KCNT2: variants seen among roughly 807,000 people sequenced by gnomAD.
KCNT2 encodes the protein potassium sodium-activated channel subfamily T member 2, also known as potassium channel subfamily T member 2.
Under a neutral mutation model 153.8 loss-of-function variants are expected in KCNT2, and 67 were observed. That is an observed-to-expected ratio of 0.44 (90% CI 0.36 to 0.53). KCNT2 has a LOEUF of 0.53. Ranked by LOEUF, KCNT2 falls within the 20% of genes least tolerant of loss-of-function variation. The pLI, the probability that KCNT2 is intolerant of heterozygous loss-of-function variation, is 0.00. For missense variants in KCNT2, 975 were observed against 1,354.8 expected (o/e 0.72, Z 4.40); for synonymous variants, 500 against 458.8 (o/e 1.09, Z -1.15).
At chr1:196,427,824 A>G (rs1673788044) in intron 10 of KCNT2, among the ~76,000 whole-genome samples, 1 of 152,060 alleles carries the variant, frequency 6.6e-6, no homozygotes, top group African/African-American at 2.4e-5. Flanking sequence ...CCAAGGGAGA[A>G]AAAGCAATCT....
At chr1:196,541,748 TTTA>T (rs1452927783) in intron 1 of KCNT2, among the ~76,000 whole-genome samples, 19 of 152,240 alleles carry the variant, frequency 1.2e-4, no homozygotes, top group African/African-American at 4.3e-4. Flanking sequence ...TTGCACAGGA[TTTA>T]TTATTAATTA....
intron 1 of KCNT2, among the ~76,000 whole-genome samples, chr1:196,597,555 T>G (rs889474858): frequency 1.4e-4 from 21 of 152,112 alleles, no homozygotes; most frequent in African/African-American, 5.1e-4. Flanking sequence ...TAATCAAAGA[T>G]CCACAGGATA....
At chr1:196,308,179 G>T (rs1195346472) in intron 21 of KCNT2, among the ~76,000 whole-genome samples, 1 of 151,884 alleles carries the variant, frequency 6.6e-6, no homozygotes, top group Non-Finnish European at 1.5e-5. Flanking sequence ...TCTCCGATGG[G>T]TAACACACAT....
At chr1:196,452,470 A>G (rs994418577) in intron 8 of KCNT2, among the ~76,000 whole-genome samples, 1 of 151,966 alleles carries the variant, frequency 6.6e-6, no homozygotes, top group Non-Finnish European at 1.5e-5. Context: ...CTCAGTCTCC[A>G]TTCATGTAGA....
At chr1:196,384,250 T>C (rs532641896) in intron 13 of KCNT2, among the ~76,000 whole-genome samples, 6 of 152,148 alleles carry the variant, frequency 3.9e-5, no homozygotes, top group Non-Finnish European at 8.8e-5. Context: ...CAGTAAGCTA[T>C]AAATCCTCAT....
At chr1:196,358,743 G>A (rs1054847090) in intron 14 of KCNT2, among the ~76,000 whole-genome samples, 1 of 151,690 alleles carries the variant, frequency 6.6e-6, no homozygotes, top group Admixed American at 6.6e-5. Context: ...CTTAGCTATA[G>A]ACCCAAAACA....
intron 14 of KCNT2, among the ~76,000 whole-genome samples, chr1:196,357,161 A>G (rs936031731): frequency 6.6e-6 from 1 of 151,938 alleles, no homozygotes; most frequent in Non-Finnish European, 1.5e-5. Context: ...TTTATTAGCT[A>G]TAAGTCTATG....
chr1:196,568,746 A>G lies in KCNT2; in HGVS notation c.95+39469T>C, dbSNP rs376891244. On this transcript the variant is annotated intron_variant, in intron 1 of 27. Transcript: ENST00000294725. ...AGACCAGTATTGGTCAGTGGTCCTG[A>G]GGCTGGGGACCCCTGGTTTATGTTA... Among the ~76,000 whole-genome samples the G allele has an allele frequency of 1.1e-4, 16 of 149,428 alleles. No individual in the cohort carries two copies. The East Asian group carries it at 1.8e-3, about 17-fold the overall frequency.
chr1:196,487,297 C>A (rs912216763), intron 3 of KCNT2, among the ~76,000 whole-genome samples: 3 of 151,920 alleles, frequency 2.0e-5, no homozygotes, highest in African/African-American at 7.2e-5. Context: ...TATATGCCTT[C>A]TCCAAGCTCT....
intron 12 of KCNT2, among the ~76,000 whole-genome samples, chr1:196,400,780 A>T (rs1435598908): frequency 6.6e-6 from 1 of 151,860 alleles, no homozygotes; most frequent in Admixed American, 6.6e-5. Flanking sequence ...CTTGCATATG[A>T]CAACTATTAA....
intron 1 of KCNT2, among the ~76,000 whole-genome samples, chr1:196,595,528 C>G (rs977601621): frequency 6.6e-6 from 1 of 152,024 alleles, no homozygotes; most frequent in African/African-American, 2.4e-5. Flanking sequence ...ATGCTCAAGT[C>G]TCTGATATAA....
chr1:196,320,275 C>T (rs983320261), intron 19 of KCNT2, among the ~76,000 whole-genome samples: 1 of 151,672 alleles, frequency 6.6e-6, no homozygotes, highest in African/African-American at 2.4e-5. Flanking sequence ...GTTATTAATT[C>T]CTTCATGTAT....
intron 22 of KCNT2, among the ~76,000 whole-genome samples, chr1:196,289,816 T>C (rs1442431684): frequency 1.3e-5 from 2 of 152,120 alleles, no homozygotes; most frequent in African/African-American, 2.4e-5. Flanking sequence ...CTGAATTCAA[T>C]TGAAGTTTTA....
intron 5 of KCNT2, among the ~76,000 whole-genome samples, chr1:196,471,464 T>G (rs536873945): frequency 6.6e-6 from 1 of 152,224 alleles, no homozygotes; most frequent in Non-Finnish European, 1.5e-5. Flanking sequence ...TCATCAGTTT[T>G]TACACGGCAT....
chr1:196,318,689 A>G (rs895819535), intron 20 of KCNT2, among the ~76,000 whole-genome samples: 3 of 151,780 alleles, frequency 2.0e-5, no homozygotes, highest in Non-Finnish European at 2.9e-5. Flanking sequence ...ATATTAACAT[A>G]GAATGGAGGC....
chr1:196,406,592 CAAA>C (rs11357087), intron 12 of KCNT2, among the ~76,000 whole-genome samples: 11 of 135,418 alleles, frequency 8.1e-5, no homozygotes, highest in Admixed American at 2.9e-4. Context: ...ACATCAAAGT[CAAA>C]AAAAAAAAAA....
intron 14 of KCNT2, among the ~76,000 whole-genome samples, chr1:196,359,175 G>T (rs1450938550): frequency 6.6e-5 from 10 of 151,964 alleles, no homozygotes; most frequent in Non-Finnish European, 1.3e-4. Flanking sequence ...TACATAACTT[G>T]AATTAATATT....
intron 22 of KCNT2, among the ~76,000 whole-genome samples, chr1:196,287,047 G>A (rs902763644): frequency 6.6e-5 from 10 of 152,010 alleles, no homozygotes; most frequent in African/African-American, 1.4e-4. Context: ...CCCATCTCAC[G>A]TGTATCTATA....
At chr1:196,267,986 G>C (rs1657708667) in intron 25 of KCNT2, among the ~76,000 whole-genome samples, 1 of 152,094 alleles carries the variant, frequency 6.6e-6, no homozygotes, top group Non-Finnish European at 1.5e-5. Flanking sequence ...CATGGATGGT[G>C]GTATTGTGTT....
Sources: gnomAD v4.1 joint callset for allele counts (sites outside exome capture counted in the v4.1 genomes callset) on GRCh38, gnomAD v4.1.1 for gene constraint, MANE v1.5 for transcripts, NCBI Gene and HGNC (gene_info 2026-07-23, HGNC 2026-07-21) for gene names.